The following METAP1 variants were observed in gnomAD, a reference collection of about 807,000 sequenced individuals.
The protein encoded by METAP1 is methionine aminopeptidase 1.
Under a neutral mutation model 53.8 loss-of-function variants are expected in METAP1, and 28 were observed. That is an observed-to-expected ratio of 0.52 (90% CI 0.39 to 0.71). The LOEUF (loss-of-function observed/expected upper bound fraction) is 0.71, where lower values mean the gene tolerates loss of function less well. Ranked by LOEUF, METAP1 falls within the 30% of genes least tolerant of loss-of-function variation. The pLI is 0.00. For missense variants in METAP1, 389 were observed against 479.8 expected (o/e 0.81, Z 1.77); for synonymous variants, 181 against 165.7 (o/e 1.09, Z -0.71).
chr4:99,026,549 G>A, intron 1 of METAP1: 2 of 985,386 alleles, frequency 2.0e-6, no homozygotes, highest in South Asian at 9.4e-5. Flanking sequence ...GTGTTTGCCT[G>A]GGGACCTCTA....
chr4:99,039,476 T>C lies in METAP1; in HGVS notation c.432+11T>C. 2 of 1,522,848 alleles carry C rather than the reference T, an allele frequency of 1.3e-6. No individual in the cohort carries two copies. Among genetic ancestry groups the C allele is most frequent in the Non-Finnish European group, 1.8e-6 (2 of 1,101,086 alleles). 94.3% of individuals were successfully genotyped at this position (1,522,848 alleles called of 1,614,324 possible). A position where few individuals can be genotyped will look rare whatever the true frequency, so the allele number is the denominator to read the frequency against. ...CGACTTGTATGTAGGGTAAGAGTGA[T>C]TTTTTCTCCATGGGGTAGGAAATGT... On this transcript the variant is annotated intron_variant, in intron 5 of 10. Transcript: ENST00000296411.
At chr4:99,024,164 C>G (rs1270424158) in intron 1 of METAP1, among the ~76,000 whole-genome samples, 1 of 152,198 alleles carries the variant, frequency 6.6e-6, no homozygotes, top group Non-Finnish European at 1.5e-5. Flanking sequence ...AATCCCTGTC[C>G]TGTTCTGTTG....
intron 9 of METAP1, among the ~76,000 whole-genome samples, 194 bp downstream of exon 9, chr4:99,049,070 G>A (rs1175036749): frequency 6.6e-6 from 1 of 152,236 alleles, no homozygotes; most frequent in Non-Finnish European, 1.5e-5. Flanking sequence ...CAAGGCAGGT[G>A]TGTTTGGTCA....
rs140727646 is a variant in METAP1, at chr4:99,044,373, C to T, written c.656-806C>T. Among the ~76,000 whole-genome samples the T allele has an allele frequency of 5.3e-4, 81 of 152,184 alleles. No homozygotes were observed. The East Asian group carries it at 0.014, about 26-fold the overall frequency. On this transcript the variant is annotated intron_variant, in intron 7 of 10. Transcript: ENST00000296411. ...TGTGATGCTAGCTGTGAATGATAGC[C>T]GAAATTTAACTATGACACTATTTTT...
intron 1 of METAP1, among the ~76,000 whole-genome samples, chr4:99,020,668 G>A (rs1401590990): frequency 6.6e-6 from 1 of 152,138 alleles, no homozygotes; most frequent in African/African-American, 2.4e-5. Context: ...ACTGGCCCCA[G>A]CTGCCAGCAC....
chr4:98,996,863 G>A (rs985156483), intron 1 of METAP1, among the ~76,000 whole-genome samples: 1 of 152,188 alleles, frequency 6.6e-6, no homozygotes, highest in Non-Finnish European at 1.5e-5. Context: ...GCGTCCTGTG[G>A]GGAGGAGAGC....
At chr4:99,018,796 A>G (rs1346872356) in intron 1 of METAP1, among the ~76,000 whole-genome samples, 1 of 152,156 alleles carries the variant, frequency 6.6e-6, no homozygotes, top group African/African-American at 2.4e-5. Flanking sequence ...CATCTTTAAT[A>G]AGGCCTTCAA....
chr4:99,009,643 T>C (rs1158548419), intron 1 of METAP1, among the ~76,000 whole-genome samples: 2 of 152,240 alleles, frequency 1.3e-5, no homozygotes, highest in Non-Finnish European at 2.9e-5. Flanking sequence ...ACGTTTCATA[T>C]GCCTGTTGGC....
chr4:99,035,216 A>G (rs1175765929), intron 3 of METAP1, among the ~76,000 whole-genome samples, 184 bp from the exon 4 acceptor site: 1 of 152,188 alleles, frequency 6.6e-6, no homozygotes, highest in Non-Finnish European at 1.5e-5. Flanking sequence ...CCCTTTCTAA[A>G]TACCCTGCAA....
intron 1 of METAP1, among the ~76,000 whole-genome samples, chr4:99,027,414 G>C (rs1724638541): frequency 1.3e-5 from 2 of 152,060 alleles, no homozygotes; most frequent in Admixed American, 1.3e-4. Context: ...AAGTGGCCTG[G>C]GACAGTCTTT....
At chr4:99,045,449 T>A in intron 8 of METAP1, 139 bp downstream of exon 8, 1 of 855,234 alleles carries the variant, frequency 1.2e-6, no homozygotes, top group Non-Finnish European at 1.7e-6. Context: ...TTGTTAGCAG[T>A]AATGGGTAAA....
chr4:99,047,318 C>T (rs1243545689), intron 8 of METAP1, among the ~76,000 whole-genome samples: 5 of 152,298 alleles, frequency 3.3e-5, no homozygotes, highest in Non-Finnish European at 2.9e-5. Flanking sequence ...CACCACCACC[C>T]TGTGTTTGAC....
At chr4:98,999,752 C>T (rs917435531) in intron 1 of METAP1, among the ~76,000 whole-genome samples, 10 of 151,724 alleles carry the variant, frequency 6.6e-5, no homozygotes, top group Non-Finnish European at 5.9e-5. Flanking sequence ...ACCTCGTGAT[C>T]CGCCTACCTC....
chr4:99,012,655 T>G lies in METAP1; in HGVS notation c.115-16212T>G, dbSNP rs551573042. Reference sequence around the variant, plus strand: ...ATCTTTGGCTGTATCCCATAAAGTTTTTTTTTTTTTTTTTTTTTTTTTTAA... The same window carrying G: ...ATCTTTGGCTGTATCCCATAAAGTTGTTTTTTTTTTTTTTTTTTTTTTTAA... On this transcript the variant is annotated intron_variant, in intron 1 of 10. Transcript: ENST00000296411. Among the ~76,000 whole-genome samples, 461 of 141,942 alleles carry G rather than the reference T, an allele frequency of 3.2e-3. 1 individual carries two copies. Among genetic ancestry groups the G allele is most frequent in the Non-Finnish European group, 5.5e-3 (366 of 66,646 alleles). The allele number at this position is 141,942 out of a possible 152,430, so 93.1% of individuals were successfully genotyped here.
rs369459087 is a variant in METAP1, at chr4:99,052,223, T to G, written c.931+3347T>G. On this transcript the variant is annotated intron_variant, in intron 9 of 10. Coordinates refer to ENST00000296411, the MANE Select transcript of METAP1 (RefSeq NM_015143.3). ...AACAGTCATCTGAGTCTTCAGTGAGTTGTAATCCTCTGGCTGGTGAAAGGT... is the reference window on the plus strand; with the variant it reads ...AACAGTCATCTGAGTCTTCAGTGAGGTGTAATCCTCTGGCTGGTGAAAGGT... Among the ~76,000 whole-genome samples the G allele has an allele frequency of 2.0e-5, 3 of 152,166 alleles. No homozygotes were observed. In the South Asian group the frequency reaches 6.2e-4, roughly 32 times the overall value.
intron 1 of METAP1, among the ~76,000 whole-genome samples, chr4:99,025,926 A>G (rs546867727): frequency 2.5e-4 from 38 of 152,286 alleles, no homozygotes; most frequent in Non-Finnish European, 4.7e-4. Flanking sequence ...ACTTTCAACC[A>G]ATTGCCAGTC....
At chr4:99,055,064 G>A (rs1277406362) in intron 9 of METAP1, among the ~76,000 whole-genome samples, 2 of 151,924 alleles carry the variant, frequency 1.3e-5, no homozygotes, top group African/African-American at 4.8e-5. Context: ...GCTCAGAGCA[G>A]GGTTGCCACA....
At chr4:99,029,675 G>A (rs1039449043) in intron 2 of METAP1, among the ~76,000 whole-genome samples, 2 of 151,768 alleles carry the variant, frequency 1.3e-5, no homozygotes, top group Non-Finnish European at 2.9e-5. Flanking sequence ...CATTGTTCTT[G>A]GTATAAGGTT....
intron 1 of METAP1, among the ~76,000 whole-genome samples, chr4:99,010,845 C>G (rs77918595): frequency 6.6e-6 from 1 of 152,044 alleles, no homozygotes; most frequent in East Asian, 1.9e-4. Flanking sequence ...CTTTTGGCAA[C>G]GTGTTGTAGT....
Sources: gnomAD v4.1 joint callset for allele counts (sites outside exome capture counted in the v4.1 genomes callset) on GRCh38, gnomAD v4.1.1 for gene constraint, MANE v1.5 for transcripts, NCBI Gene and HGNC (gene_info 2026-07-23, HGNC 2026-07-21) for gene names.